PRKAR1B: variants seen among roughly 807,000 people sequenced by gnomAD.
The protein encoded by PRKAR1B is cAMP-dependent protein kinase type I-beta regulatory subunit.
A neutral mutation model predicts 46.5 loss-of-function variants in PRKAR1B; 22 were observed. The ratio of observed to expected loss-of-function variants is 0.47; its 90% CI spans 0.34 to 0.68. PRKAR1B has a LOEUF of 0.68. PRKAR1B is among the 30% of genes least tolerant of loss of function. The probability of loss-of-function intolerance (pLI) is 0.01; values close to 1 mark genes in which losing one functional copy is unlikely to be tolerated. For synonymous variants in PRKAR1B, 259 were observed against 217.7 expected, an observed-to-expected ratio of 1.19 and a Z score of -1.67; for missense variants, 445 against 535.6, an observed-to-expected ratio of 0.83 and a Z score of 1.67.
intron 7 of PRKAR1B, among the ~76,000 whole-genome samples, chr7:591,387 T>C (rs923510515): frequency 1.8e-4 from 27 of 152,208 alleles, no homozygotes; most frequent in African/African-American, 6.3e-4. Context: ...GGTACAGGGC[T>C]TCCTCAAGCC....
intron 2 of PRKAR1B, among the ~76,000 whole-genome samples, chr7:688,614 C>T (rs1295673115): frequency 6.6e-6 from 1 of 152,158 alleles, no homozygotes; most frequent in African/African-American, 2.4e-5. Context: ...CAATTATCTG[C>T]CAAGGACAGC....
intron 2 of PRKAR1B, among the ~76,000 whole-genome samples, chr7:682,527 C>T (rs1778747586): frequency 1.3e-5 from 2 of 152,020 alleles, no homozygotes; most frequent in Non-Finnish European, 2.9e-5. Context: ...GGGTGGATCA[C>T]GAGGTCAGGA....
chr7:550,660 G>GA (rs1213223718), intron 10 of PRKAR1B, 58 bp from the exon 11 acceptor site: 1 of 1,415,926 alleles, frequency 7.1e-7, no homozygotes, highest in African/African-American at 1.4e-5. Context: ...CTGCAGCAGG[G>GA]AAAGATTATG....
intron 6 of PRKAR1B, among the ~76,000 whole-genome samples, chr7:599,184 G>A (rs892127134): frequency 1.3e-5 from 2 of 152,210 alleles, no homozygotes; most frequent in African/African-American, 4.8e-5. Context: ...GGAGGACAAA[G>A]GGGCCATCCT....
intron 6 of PRKAR1B, among the ~76,000 whole-genome samples, chr7:600,608 C>A (rs1486495826): frequency 6.6e-6 from 1 of 151,630 alleles, no homozygotes; most frequent in South Asian, 2.1e-4. Flanking sequence ...AGCTGCCTGG[C>A]GGTGCTCCCC....
intron 9 of PRKAR1B, among the ~76,000 whole-genome samples, chr7:578,101 T>C (rs1244000613): frequency 6.6e-6 from 1 of 152,198 alleles, no homozygotes; most frequent in Admixed American, 6.5e-5. Context: ...GGGCGTGGCT[T>C]ACGGAGAGTG....
At chr7:710,418 G>C (rs1050968206) in intron 2 of PRKAR1B, among the ~76,000 whole-genome samples, 2 of 152,160 alleles carry the variant, frequency 1.3e-5, no homozygotes, top group African/African-American at 4.8e-5. Context: ...CTCCTGTCCC[G>C]GCCTCCACTT....
chr7:623,631 T>C (rs1377752412), intron 4 of PRKAR1B, among the ~76,000 whole-genome samples: 1 of 152,168 alleles, frequency 6.6e-6, no homozygotes, highest in East Asian at 1.9e-4. Context: ...TTCCTCTCGG[T>C]CATTTTCCAT....
chr7:702,614 G>C (rs1276892498), intron 2 of PRKAR1B, among the ~76,000 whole-genome samples: 2 of 152,250 alleles, frequency 1.3e-5, no homozygotes, highest in East Asian at 1.9e-4. Context: ...ACGAGGTCAG[G>C]AGATCGAGAC....
intron 2 of PRKAR1B, among the ~76,000 whole-genome samples, chr7:685,105 A>G (rs1474170041): frequency 6.6e-6 from 1 of 151,100 alleles, no homozygotes. Flanking sequence ...AATTAATATA[A>G]TTCATGTTAC....
At chr7:624,452 C>T (rs1783276450) in intron 4 of PRKAR1B, among the ~76,000 whole-genome samples, 1 of 152,136 alleles carries the variant, frequency 6.6e-6, no homozygotes, top group South Asian at 2.1e-4. Flanking sequence ...AAAAAAAGTG[C>T]ATGCTCTTTG....
At chr7:660,140 G>A (rs1785428328) in intron 4 of PRKAR1B, among the ~76,000 whole-genome samples, 1 of 151,934 alleles carries the variant, frequency 6.6e-6, no homozygotes, top group Non-Finnish European at 1.5e-5. Context: ...CCCTCCTGCA[G>A]AGAGGGGAGG....
Position 711,582 on chromosome 7 carries a change from C to T in PRKAR1B, c.-22-55G>A. ...CTGAGAGCTGCCCGGGGCTGCGCGC[C>T]GGATAAACGCAGGCGGCGTGAACCA... On this transcript the variant is annotated intron_variant, in intron 1 of 10. Coordinates refer to ENST00000537384, the MANE Select transcript of PRKAR1B (RefSeq NM_001164760.2). The T allele has an allele frequency of 3.3e-6, 5 of 1,504,720 alleles. No individual in the cohort carries two copies. The South Asian group carries it at 5.9e-5, about 18-fold the overall frequency. The allele number at this position is 1,504,720 out of a possible 1,614,324, so 93.2% of individuals were successfully genotyped here. A position where few individuals can be genotyped will look rare whatever the true frequency, so the allele number is the denominator to read the frequency against.
chr7:555,488 C>G (rs1278018737), intron 9 of PRKAR1B, among the ~76,000 whole-genome samples: 2 of 152,168 alleles, frequency 1.3e-5, no homozygotes, highest in African/African-American at 4.8e-5. Flanking sequence ...TCTTCACACG[C>G]CCTGATAGGA....
chr7:661,263 G>A (rs868727757), intron 4 of PRKAR1B, among the ~76,000 whole-genome samples: 56 of 34,592 alleles, frequency 1.6e-3, no homozygotes, highest in Admixed American at 2.3e-3. Context: ...TCCCCCCCAT[G>A]GCACAGGTCC....
At chr7:634,184 G>A (rs903901866) in intron 4 of PRKAR1B, among the ~76,000 whole-genome samples, 42 of 151,960 alleles carry the variant, frequency 2.8e-4, no homozygotes, top group African/African-American at 9.4e-4. Context: ...CACCATGCCC[G>A]GCTAATTTTT....
intron 4 of PRKAR1B, among the ~76,000 whole-genome samples, chr7:619,039 C>T (rs1782978277): frequency 6.6e-6 from 1 of 152,182 alleles, no homozygotes; most frequent in Non-Finnish European, 1.5e-5. Context: ...CACAGACTGG[C>T]AGCAAGACCC....
At chr7:645,977 C>T (rs1190735038) in intron 4 of PRKAR1B, among the ~76,000 whole-genome samples, 1 of 152,204 alleles carries the variant, frequency 6.6e-6, no homozygotes, top group Non-Finnish European at 1.5e-5. Flanking sequence ...TGCACCTGAC[C>T]CCACGAGGCC....
intron 4 of PRKAR1B, among the ~76,000 whole-genome samples, chr7:631,190 ATCCGC>A (rs1400809402): frequency 6.6e-6 from 1 of 152,184 alleles, no homozygotes; most frequent in African/African-American, 2.4e-5. Flanking sequence ...ACCTCAAGTG[ATCCGC>A]CCACCTTGAA....
Sources: gnomAD v4.1 joint callset for allele counts (sites outside exome capture counted in the v4.1 genomes callset) on GRCh38, gnomAD v4.1.1 for gene constraint, MANE v1.5 for transcripts, NCBI Gene and HGNC (gene_info 2026-07-23, HGNC 2026-07-21) for gene names.